Variants in MAGI1 observed in about 807,000 individuals in gnomAD.
MAGI1 encodes membrane-associated guanylate kinase, WW and PDZ domain-containing protein 1.
Under a neutral mutation model 139.9 loss-of-function variants are expected in MAGI1, and 58 were observed. That is an observed-to-expected ratio of 0.41 (90% CI 0.34 to 0.52). MAGI1 has a LOEUF of 0.52. Ranked by LOEUF, MAGI1 falls within the 20% of genes least tolerant of loss-of-function variation. The probability of loss-of-function intolerance (pLI) is 0.12; values close to 1 mark genes in which losing one functional copy is unlikely to be tolerated. For missense variants in MAGI1, 1,874 were observed against 1,901.6 expected (o/e 0.99, Z 0.27); for synonymous variants, 812 against 737.9 (o/e 1.10, Z -1.63).
rs1404893524 is a variant in MAGI1 at position 65,663,084 on chromosome 3, A to G, written c.314-40996T>C. Among the ~76,000 whole-genome samples, 4 of 152,282 alleles carry G rather than the reference A, an allele frequency of 2.6e-5. No individual in the cohort carries two copies. In the East Asian group the frequency reaches 7.7e-4, roughly 29 times the overall value. ...TGGGAATTCAATACATATGTCCACG[A>G]TGTTTTATTTCTTGAAAAGGGAACT... On this transcript the variant is annotated intron_variant, in intron 1 of 22. Transcript: ENST00000402939.
chr3:65,589,984 GA>G (rs994526781), intron 2 of MAGI1, among the ~76,000 whole-genome samples: 2 of 152,008 alleles, frequency 1.3e-5, no homozygotes, highest in African/African-American at 4.8e-5. Context: ...CACACTCAAC[GA>G]TCCATGACTT....
chr3:65,802,848 CTG>C (rs55814110), intron 1 of MAGI1, among the ~76,000 whole-genome samples: 22,565 of 138,000 alleles, frequency 0.16, 1,918 homozygotes, highest in Non-Finnish European at 0.21. Flanking sequence ...ATCATCTCAT[CTG>C]TGTGTGTGTG....
At chr3:65,405,021 G>A (rs562765706) in intron 12 of MAGI1, among the ~76,000 whole-genome samples, 1 of 152,326 alleles carries the variant, frequency 6.6e-6, no homozygotes, top group South Asian at 2.1e-4. Flanking sequence ...TCAGGGTAAG[G>A]AAGGGGAACT....
rs529285905 is a variant in MAGI1, at chr3:65,915,971, T to C, written c.313+122025A>G. Among the ~76,000 whole-genome samples, 22 of 149,518 alleles carry C rather than the reference T, an allele frequency of 1.5e-4. No individual in the cohort carries two copies. In the Admixed American group the frequency reaches 1.5e-3, roughly 10 times the overall value. ...TACATATACATTTATATGATACATA[T>C]ATAAAATGTGAATATATATAATATG... On this transcript the variant is annotated intron_variant, in intron 1 of 22. Coordinates refer to ENST00000402939, the MANE Select transcript of MAGI1 (RefSeq NM_001033057.2).
intron 1 of MAGI1, among the ~76,000 whole-genome samples, chr3:66,022,672 C>T (rs1460949276): frequency 1.3e-5 from 2 of 152,158 alleles, no homozygotes; most frequent in Non-Finnish European, 2.9e-5. Flanking sequence ...AGCTTTTGGA[C>T]ACGTGTCAGC....
intron 12 of MAGI1, among the ~76,000 whole-genome samples, chr3:65,412,109 C>G (rs1326959437): frequency 5.3e-5 from 8 of 152,184 alleles, no homozygotes; most frequent in Non-Finnish European, 2.9e-5. Flanking sequence ...TGTTCAGTGT[C>G]CCACTAAGCC....
intron 1 of MAGI1, among the ~76,000 whole-genome samples, chr3:65,714,732 T>C (rs1050454298): frequency 3.9e-5 from 6 of 152,092 alleles, no homozygotes; most frequent in African/African-American, 1.4e-4. Context: ...CCTCAATCAT[T>C]TCTTCTCTGA....
rs745471934 is a variant in MAGI1, at chr3:65,921,728, A to C, written c.313+116268T>G. ...AAGAAAAGGTCATTCCACAAAATCA[A>C]TCAAAGGAGAATCAATCAAAATGAT... is the stretch of plus-strand genomic sequence containing the variant. On this transcript the variant is annotated intron_variant, in intron 1 of 22. Transcript: ENST00000402939. 7.2e-5 allele frequency among the ~76,000 whole-genome samples: 11 copies of C among 152,050 alleles called. No individual in the cohort carries two copies. In the East Asian group the frequency reaches 2.1e-3, roughly 29 times the overall value.
intron 20 of MAGI1, 105 bp from the exon 21 acceptor site, chr3:65,363,713 G>T: frequency 1.1e-6 from 1 of 891,552 alleles, no homozygotes; most frequent in Non-Finnish European, 1.7e-6. Flanking sequence ...CCCTCTTGGT[G>T]ACTCTTGTTT....
chr3:65,819,775 G>T (rs1263633468), intron 1 of MAGI1, among the ~76,000 whole-genome samples: 1 of 149,712 alleles, frequency 6.7e-6, no homozygotes, highest in Admixed American at 6.8e-5. Context: ...TGCTCAGGAG[G>T]CTGAGGCAGG....
chr3:65,388,969 G>A (rs185842952), intron 14 of MAGI1, among the ~76,000 whole-genome samples: 13 of 144,426 alleles, frequency 9.0e-5, no homozygotes, highest in African/African-American at 2.6e-4. Flanking sequence ...TCAGCCTCCC[G>A]AGTAGCTGGG....
At chr3:65,736,508 G>T (rs1386362343) in intron 1 of MAGI1, among the ~76,000 whole-genome samples, 3 of 152,120 alleles carry the variant, frequency 2.0e-5, no homozygotes, top group Non-Finnish European at 4.4e-5. Flanking sequence ...AAAACTGGTG[G>T]TATATTTCAA....
intron 3 of MAGI1, among the ~76,000 whole-genome samples, chr3:65,485,692 T>C (rs2107639641): frequency 6.6e-6 from 1 of 152,340 alleles, no homozygotes; most frequent in South Asian, 2.1e-4. Context: ...CGTGCACATA[T>C]TAAGTGTCAC....
chr3:65,674,519 C>T (rs1173451563), intron 1 of MAGI1, among the ~76,000 whole-genome samples: 1 of 152,192 alleles, frequency 6.6e-6, no homozygotes, highest in East Asian at 1.9e-4. Context: ...CCTTCTTTCT[C>T]TTTTACTAAC....
intron 12 of MAGI1, among the ~76,000 whole-genome samples, chr3:65,423,713 T>A (rs1418151204): frequency 6.6e-6 from 1 of 152,182 alleles, no homozygotes; most frequent in Non-Finnish European, 1.5e-5. Context: ...CTAATTTGGG[T>A]AAACCACAGA....
intron 1 of MAGI1, among the ~76,000 whole-genome samples, chr3:65,975,012 A>T (rs2065195940): frequency 6.6e-6 from 1 of 152,030 alleles, no homozygotes; most frequent in Non-Finnish European, 1.5e-5. Context: ...TACCATAGGC[A>T]GGGTTATTTT....
At chr3:65,479,362 A>G (rs1310081066) in intron 3 of MAGI1, among the ~76,000 whole-genome samples, 27 of 152,144 alleles carry the variant, frequency 1.8e-4, no homozygotes, top group Admixed American at 1.8e-3. Context: ...ACCCTTGCCA[A>G]GCTTTAACAG....
chr3:65,458,039 G>A (rs942319833), intron 5 of MAGI1, among the ~76,000 whole-genome samples: 1 of 152,066 alleles, frequency 6.6e-6, no homozygotes, highest in Non-Finnish European at 1.5e-5. Context: ...AAATAAGTGA[G>A]AACATGTGAA....
chr3:65,949,684 C>G (rs1483871061), intron 1 of MAGI1, among the ~76,000 whole-genome samples: 1 of 152,156 alleles, frequency 6.6e-6, no homozygotes, highest in African/African-American at 2.4e-5. Flanking sequence ...CTGGTAGGAT[C>G]TAAACTTAAA....
Sources: allele counts gnomAD v4.1 joint callset (sites outside exome capture counted in the v4.1 genomes callset), GRCh38; gene constraint gnomAD v4.1.1; transcripts MANE v1.5; gene names NCBI Gene and HGNC (gene_info 2026-07-23, HGNC 2026-07-21).